The following FCN3 variants were observed in gnomAD, a reference collection of about 807,000 sequenced individuals.
FCN3 encodes ficolin-3.
Under a neutral mutation model 31.5 loss-of-function variants are expected in FCN3, and 28 were observed. The ratio of observed to expected loss-of-function variants is 0.89; its 90% CI spans 0.66 to 1.22. The LOEUF (loss-of-function observed/expected upper bound fraction) is 1.22. Ranked by LOEUF, FCN3 falls within the 50% of genes most tolerant of loss-of-function variation. The probability of loss-of-function intolerance (pLI) is 0.00; values close to 1 mark genes in which losing one functional copy is unlikely to be tolerated. For synonymous variants in FCN3, 124 were observed against 147.4 expected, an observed-to-expected ratio of 0.84 and a Z score of 1.15; for missense variants, 351 against 386.8, an observed-to-expected ratio of 0.91 and a Z score of 0.78.
intron 2 of FCN3, 154 bp downstream of exon 2, chr1:27,374,202 C>A: frequency 1.4e-6 from 1 of 711,098 alleles, no homozygotes; most frequent in Non-Finnish European, 2.4e-6. Flanking sequence ...ACTTACCTGG[C>A]AGAGTTGATC....
At chr1:27,374,526 C>A in intron 1 of FCN3, 75 bp from the exon 2 acceptor site, 3 of 1,022,134 alleles carry the variant, frequency 2.9e-6, no homozygotes, top group South Asian at 1.4e-5. Flanking sequence ...CTCTTCCTGT[C>A]TCCCAGATTC....
intron 3 of FCN3, 181 bp downstream of exon 3, chr1:27,373,784 C>T (rs925314909): frequency 1.7e-5 from 11 of 663,776 alleles, no homozygotes; most frequent in Non-Finnish European, 2.1e-5. Context: ...AGCCCTCCAT[C>T]CCCAATAGGA....
chr1:27,372,716 C>T (rs994192746), intron 5 of FCN3, among the ~76,000 whole-genome samples: 9 of 151,908 alleles, frequency 5.9e-5, no homozygotes, highest in African/African-American at 2.2e-4. Flanking sequence ...AAACCTTTTA[C>T]TCTGCTGCCT....
Position 27,373,226 on chromosome 1 carries a change from G to A in FCN3, c.303C>T (p.Ala101=). Residue 101 remains alanine, a synonymous_variant, in exon 5 of 8, where the codon GCC becomes GCT. Coordinates refer to ENST00000270879, the MANE Select transcript of FCN3 (RefSeq NM_003665.4). ...RNCRELLSQG[A]TLSGWYHLCL... The stretch of plus-strand genomic sequence containing the variant: ...ACAGATGGTACCAGCCGCTCAAGGT[G>A]GCGCCCTGGCTCAACAGCTCCCGGC... 1 of 1,614,130 alleles carries A rather than the reference G, an allele frequency of 6.2e-7. No homozygotes were observed. The highest frequency in any genetic ancestry group is 8.5e-7 in the Non-Finnish European group (1 of 1,180,000).
At chr1:27,370,066 A>T (rs1008417973) in intron 7 of FCN3, among the ~76,000 whole-genome samples, 1 of 149,392 alleles carries the variant, frequency 6.7e-6, no homozygotes, top group Non-Finnish European at 1.5e-5. Flanking sequence ...GAGTGCAGTG[A>T]CACTCTCTTG....
At chr1:27,370,769 T>G (rs371444212) in intron 6 of FCN3, 39 bp from the exon 7 acceptor site, 7 of 1,612,244 alleles carry the variant, frequency 4.3e-6, no homozygotes, top group Non-Finnish European at 5.1e-6. Context: ...GAATCCTCAG[T>G]TCTTGGGGGT....
intron 5 of FCN3, among the ~76,000 whole-genome samples, chr1:27,372,283 C>T (rs1436059370): frequency 2.7e-5 from 4 of 149,988 alleles, no homozygotes; most frequent in Admixed American, 6.6e-5. Context: ...AGTCTCACTC[C>T]GTTGCCCAGG....
chr1:27,370,678 G>C lies in FCN3; in HGVS notation c.576C>G (p.Phe192Leu). The C allele has an allele frequency of 6.2e-7, 1 of 1,614,232 alleles. No individual in the cohort carries two copies. Among genetic ancestry groups the C allele is most frequent in the Non-Finnish European group, 8.5e-7 (1 of 1,180,042 alleles). Reference sequence around the variant, plus strand: ...GGAGGCGGAAGGTCGCATAGTGGGCGAAAGTACGGTTACCATTAAAGTCTT... The same window carrying C: ...GGAGGCGGAAGGTCGCATAGTGGGCCAAAGTACGGTTACCATTAAAGTCTT... ...ELEDFNGNRT[F>L]AHYATFRLLG... Residue 192 changes from phenylalanine to leucine, a missense_variant, in exon 7 of 8, where the codon TTC becomes TTG. Physicochemically the swap from Phe to Leu is conservative, Grantham distance 22. Coordinates refer to ENST00000270879, the MANE Select transcript of FCN3 (RefSeq NM_003665.4).
In FCN3 at chr1:27,374,119, C is replaced by A. The variant is rs1299673518; in HGVS notation, c.188-110G>T. On this transcript the variant is annotated intron_variant, in intron 2 of 7. Transcript: ENST00000270879. ...AAATCCCAGTTTCACCCTTCACTCACTTTGTGATTGCGGGCAAATATCTTA... is the reference window on the plus strand; with the variant it reads ...AAATCCCAGTTTCACCCTTCACTCAATTTGTGATTGCGGGCAAATATCTTA... 15 of 1,021,506 alleles carry A rather than the reference C, an allele frequency of 1.5e-5. No homozygotes were observed. In the East Asian group the frequency reaches 3.4e-4, roughly 23 times the overall value. 63.3% of individuals were successfully genotyped at this position (1,021,506 alleles called of 1,614,324 possible).
chr1:27,374,716 C>T lies in FCN3; in HGVS notation c.91+12G>A, dbSNP rs1454848851. On this transcript the variant is annotated intron_variant, in intron 1 of 7. Coordinates refer to ENST00000270879, the MANE Select transcript of FCN3 (RefSeq NM_003665.4). ...GGAGTGGGTTGGTGAGGAGGGCACC[C>T]TAGGTGCCCACCTGGGCAGCTGGGG... 7 of 1,395,572 alleles carry T rather than the reference C, an allele frequency of 5.0e-6. No homozygotes were observed. The highest frequency in any genetic ancestry group is 2.8e-6 in the Non-Finnish European group (3 of 1,063,668). 86.4% of individuals were successfully genotyped at this position (1,395,572 alleles called of 1,614,324 possible). A position where few individuals can be genotyped will look rare whatever the true frequency, so the allele number is the denominator to read the frequency against.
intron 5 of FCN3, among the ~76,000 whole-genome samples, chr1:27,372,222 G>T (rs2016159585): frequency 6.6e-6 from 1 of 150,674 alleles, no homozygotes; most frequent in Admixed American, 6.6e-5. Context: ...CTCTCCTGGG[G>T]CTACCCATTG....
intron 5 of FCN3, among the ~76,000 whole-genome samples, chr1:27,372,794 T>TTTTTTTTTA (rs2016173034): frequency 6.7e-6 from 1 of 149,480 alleles, no homozygotes; most frequent in Non-Finnish European, 1.5e-5. Flanking sequence ...TTTTTTTTTT[T>TTTTTTTTTA]GAGACAGAGT....
At position 27,369,239 on chromosome 1, in the gene FCN3, T is replaced by C; in HGVS notation, c.897A>G (p.Arg299=). The C allele has an allele frequency of 6.2e-7, 1 of 1,614,138 alleles. No homozygotes were observed. The highest frequency in any genetic ancestry group is 8.5e-7 in the Non-Finnish European group (1 of 1,180,010). Residue 299 remains arginine, a synonymous_variant, in exon 8 of 8, where the codon CGA becomes CGG. Coordinates refer to ENST00000270879, the MANE Select transcript of FCN3 (RefSeq NM_003665.4). ...HPYRRVRMML[R] is the part of the protein sequence containing the mutation. Reference sequence around the variant, plus strand: ...GGGCACTGGCTGCCAGAGTGCCCTATCGAAGCATCATCCGAACCCTGCGGT... The same window carrying C: ...GGGCACTGGCTGCCAGAGTGCCCTACCGAAGCATCATCCGAACCCTGCGGT...
rs2016201214 is a variant in FCN3, at chr1:27,374,001, C to T, written c.196G>A (p.Gly66Arg). ...TTGGGGCCCATCTTGCCTGGTGGTC[C>T]AGGTGGCCCTGAAATCACAAAGGCA... is the stretch of plus-strand genomic sequence containing the variant. ...KGAPGPQGPPGPPGKMGPKGE... is the reference protein window; with the variant it reads ...KGAPGPQGPPRPPGKMGPKGE... Residue 66 changes from glycine to arginine, a missense_variant, in exon 3 of 8, where the codon GGA becomes AGA. Physicochemically the swap from Gly to Arg is moderately radical, Grantham distance 125. Coordinates refer to ENST00000270879, the MANE Select transcript of FCN3 (RefSeq NM_003665.4). 6.2e-7 allele frequency: 1 copy of T among 1,613,702 alleles called. No homozygotes were observed.
chr1:27,374,716 C>A lies in FCN3; in HGVS notation c.91+12G>T. The A allele has an allele frequency of 7.2e-7, 1 of 1,395,690 alleles. No individual in the cohort carries two copies. Among genetic ancestry groups the A allele is most frequent in the South Asian group, 1.8e-5 (1 of 55,516 alleles). 86.5% of individuals were successfully genotyped at this position (1,395,690 alleles called of 1,614,324 possible). On this transcript the variant is annotated intron_variant, in intron 1 of 7. Coordinates refer to ENST00000270879, the MANE Select transcript of FCN3 (RefSeq NM_003665.4). ...GGAGTGGGTTGGTGAGGAGGGCACC[C>A]TAGGTGCCCACCTGGGCAGCTGGGG...
At chr1:27,373,906 C>A in intron 3 of FCN3, 59 bp downstream of exon 3, 1 of 1,446,610 alleles carries the variant, frequency 6.9e-7, no homozygotes, top group South Asian at 1.2e-5. Flanking sequence ...GAGATCCCAC[C>A]CTAGAGTCCA....
At position 27,373,988 on chromosome 1, in the gene FCN3, T is replaced by C. The variant is rs1354364753; in HGVS notation, c.209A>G (p.Lys70Arg). 1 of 1,613,796 alleles carries C rather than the reference T, an allele frequency of 6.2e-7. No individual in the cohort carries two copies. Among genetic ancestry groups the C allele is most frequent in the Non-Finnish European group, 8.5e-7 (1 of 1,179,978 alleles). The change falls in exon 3 of 8, where the codon AAG (lysine) becomes AGG (arginine). Residue 70 changes from lysine (K) to arginine (R), a missense_variant. Coordinates refer to ENST00000270879, the MANE Select transcript of FCN3 (RefSeq NM_003665.4). ...GPQGPPGPPGKMGPKGEPGDP... is the reference protein window; with the variant it reads ...GPQGPPGPPGRMGPKGEPGDP... ...ACCTGGCTCACCCTTGGGGCCCATC[T>C]TGCCTGGTGGTCCAGGTGGCCCTGA...
rs766167339 is a variant in FCN3, at chr1:27,370,664, G to A, written c.590C>T (p.Thr197Ile). 6 of 1,614,124 alleles carry A rather than the reference G, an allele frequency of 3.7e-6. No individual in the cohort carries two copies. Among genetic ancestry groups the A allele is most frequent in the Admixed American group, 1.7e-5 (1 of 60,012 alleles). ...NGNRTFAHYA[T>I]FRLLGEVDHY... ...GTCTACCTCACCGAGGAGGCGGAAG[G>A]TCGCATAGTGGGCGAAAGTACGGTT... is the stretch of plus-strand genomic sequence containing the variant. The change falls in exon 7 of 8, where the codon ACC (threonine) becomes ATC (isoleucine). Residue 197 changes from threonine to isoleucine, a missense_variant. Physicochemically the swap from Thr to Ile is moderately conservative, Grantham distance 89 (BLOSUM62 -1). Transcript: ENST00000270879.
chr1:27,372,202 CTGCTT>C (rs1175190625), intron 5 of FCN3, among the ~76,000 whole-genome samples: 1 of 151,920 alleles, frequency 6.6e-6, no homozygotes, highest in Non-Finnish European at 1.5e-5. Flanking sequence ...GGCCCCTCCC[CTGCTT>C]AAAACTCTCC....
Sources: allele counts gnomAD v4.1 joint callset (sites outside exome capture counted in the v4.1 genomes callset), GRCh38; gene constraint gnomAD v4.1.1; transcripts MANE v1.5; gene names NCBI Gene and HGNC (gene_info 2026-07-23, HGNC 2026-07-21).